Variants in TYMS observed in about 807,000 individuals in gnomAD.
The protein encoded by TYMS is thymidylate synthetase.
TYMS carries 21 observed loss-of-function variants against 39.3 expected under a neutral mutation model. That is an observed-to-expected ratio of 0.54 (90% CI 0.38 to 0.77). The LOEUF (loss-of-function observed/expected upper bound fraction) is 0.77, where lower values mean the gene tolerates loss of function less well. Among genes scored for constraint, TYMS ranks in the 30% least tolerant of loss-of-function variants. The pLI is 0.00. For missense variants in TYMS, 273 were observed against 406.7 expected, an observed-to-expected ratio of 0.67 and a Z score of 2.83; for synonymous variants, 171 against 162.2, an observed-to-expected ratio of 1.05 and a Z score of -0.41.
intron 3 of TYMS, among the ~76,000 whole-genome samples, chr18:664,749 G>C (rs2074791947): frequency 6.6e-6 from 1 of 150,580 alleles, no homozygotes; most frequent in Admixed American, 6.6e-5. Context: ...TTTTGTCAAA[G>C]GCCTTTTCTG....
intron 6 of TYMS, 52 bp downstream of exon 6, chr18:671,503 G>A: frequency 3.4e-6 from 4 of 1,175,620 alleles, no homozygotes; most frequent in Non-Finnish European, 5.1e-6. Flanking sequence ...TTGATAAAAG[G>A]TTGACTGTGG....
Position 658,032 on chromosome 18 carries a change from C to A in TYMS, c.205+85C>A. On this transcript the variant is annotated intron_variant, in intron 1 of 6. Coordinates refer to ENST00000323274, the MANE Select transcript of TYMS (RefSeq NM_001071.4). The surrounding 1 kb of genome is among the most constrained non-coding windows in gnomAD (Gnocchi z 4.5). ...AGCGCTCGGGAGCTGCCGGGCGCTG[C>A]GGACCCCGTTTAGTCCTAACCTCAA... 1.3e-6 allele frequency: 2 copies of A among 1,538,532 alleles called. No homozygotes were observed. Among genetic ancestry groups the A allele is most frequent in the Non-Finnish European group, 1.7e-6 (2 of 1,143,972 alleles).
Position 659,603 on chromosome 18 carries a change from C to T in TYMS, c.206-38C>T. 1.9e-6 allele frequency: 3 copies of T among 1,572,228 alleles called. No homozygotes were observed. The South Asian group carries it at 3.3e-5, about 17-fold the overall frequency. On this transcript the variant is annotated intron_variant, in intron 1 of 6. Coordinates refer to ENST00000323274, the MANE Select transcript of TYMS (RefSeq NM_001071.4). ...AAGAAAGTTGGATGGCATGATCTGT[C>T]TTCCCATCTTGAAACCGTATGGCAA...
intron 3 of TYMS, among the ~76,000 whole-genome samples, chr18:667,280 G>GT (rs1343948274): frequency 1.0e-3 from 11 of 10,904 alleles, no homozygotes; most frequent in Admixed American, 1.9e-3. Flanking sequence ...GATGGTGATG[G>GT]GATGGTGATG....
In TYMS at chr18:670,845, T is replaced by C; in HGVS notation, c.710T>C (p.Ile237Thr). 6.2e-7 allele frequency: 1 copy of C among 1,614,076 alleles called. No individual in the cohort carries two copies. The highest frequency in any genetic ancestry group is 8.5e-7 in the Non-Finnish European group (1 of 1,180,006). ...IASYALLTYMIAHITGLKPGD... is the reference protein window; with the variant it reads ...IASYALLTYMTAHITGLKPGD... ...AGCTACGCCCTGCTCACGTACATGA[T>C]TGCGCACATCACGGGCCTGAAGGTG... Residue 237 changes from isoleucine (I) to threonine (T), a missense_variant, in exon 5 of 7, where the codon ATT becomes ACT. Coordinates refer to ENST00000323274, the MANE Select transcript of TYMS (RefSeq NM_001071.4).
At chr18:664,805 T>C (rs913920244) in intron 3 of TYMS, among the ~76,000 whole-genome samples, 22 of 149,718 alleles carry the variant, frequency 1.5e-4, no homozygotes, top group African/African-American at 5.5e-4. Context: ...GATCTGTTTA[T>C]ATGCTGGATT....
chr18:669,365 G>GGTT, intron 4 of TYMS, 192 bp downstream of exon 4: 1 of 340,452 alleles, frequency 2.9e-6, no homozygotes. Context: ...GGGCCCAGAG[G>GGTT]ATTTTTTTTT....
intron 3 of TYMS, among the ~76,000 whole-genome samples, chr18:667,441 GT>G (rs1333621504): frequency 8.9e-4 from 1 of 1,126 alleles, no homozygotes; most frequent in African/African-American, 5.2e-3. Flanking sequence ...GATGGTGATG[GT>G]GATGGTGATG....
chr18:666,457 TTGG>T (rs2074817918), intron 3 of TYMS, among the ~76,000 whole-genome samples: 1 of 152,158 alleles, frequency 6.6e-6, no homozygotes, highest in African/African-American at 2.4e-5. Flanking sequence ...CCTGTCACTG[TTGG>T]TGTCACCTCT....
At chr18:672,732 G>A (rs959549376) in intron 6 of TYMS, 128 bp from the exon 7 acceptor site, 33 of 1,062,756 alleles carry the variant, frequency 3.1e-5, no homozygotes, top group East Asian at 4.8e-5. Flanking sequence ...GCAAGGTATC[G>A]ACAGGATCAT....
At chr18:661,001 A>G (rs1322666547) in intron 2 of TYMS, among the ~76,000 whole-genome samples, 1 of 152,190 alleles carries the variant, frequency 6.6e-6, no homozygotes, top group Non-Finnish European at 1.5e-5. Context: ...TTGACTAACA[A>G]TGAACCTTGG....
At position 672,990 on chromosome 18, in the gene TYMS, C is replaced by T. The variant is rs1289319018; in HGVS notation, c.935C>T (p.Ala312Val). The T allele has an allele frequency of 1.3e-6, 2 of 1,563,530 alleles. No homozygotes were observed. The highest frequency in any genetic ancestry group is 8.8e-7 in the Non-Finnish European group (1 of 1,141,726). ...CATCCAACTATTAAAATGGAAATGG[C>T]TGTTTAGGGTGCTTTCAAAGGAGCT... ...NPHPTIKMEM[A>V]V Residue 312 changes from alanine (A) to valine (V), a missense_variant, in exon 7 of 7, where the codon GCT becomes GTT. This residue lies in a region of TYMS where 35 missense variants were observed against 42.4 expected (regional missense o/e 0.83). Coordinates refer to ENST00000323274, the MANE Select transcript of TYMS (RefSeq NM_001071.4).
chr18:671,381 C>G lies in TYMS; in HGVS notation c.734C>G (p.Pro245Arg). 1 of 1,607,138 alleles carries G rather than the reference C, an allele frequency of 6.2e-7. No homozygotes were observed. The highest frequency in any genetic ancestry group is 8.5e-7 in the Non-Finnish European group (1 of 1,173,712). ...CTGCTTTCTCCCCCGGGTTTATAGC[C>G]AGGTGACTTTATACACACTTTGGGA... ...YMIAHITGLK[P>R]GDFIHTLGDA... The change falls in exon 6 of 7, where the codon CCA becomes CGA. Residue 245 changes from proline to arginine, a missense_variant and splice_region_variant. Physicochemically the swap from Pro to Arg is moderately radical, Grantham distance 103. This residue lies in a region of TYMS where 228 missense variants were observed against 326.1 expected (regional missense o/e 0.70). Transcript: ENST00000323274.
chr18:657,682 CTTGG>C lies in TYMS; in HGVS notation c.-60_-57del, dbSNP rs2074699237. 4 of 1,208,782 alleles carry C rather than the reference CTTGG, an allele frequency of 3.3e-6. No homozygotes were observed. Among genetic ancestry groups the C allele is most frequent in the Non-Finnish European group, 3.2e-6 (3 of 944,260 alleles). 74.9% of individuals were successfully genotyped at this position (1,208,782 alleles called of 1,614,324 possible). A position where few individuals can be genotyped will look rare whatever the true frequency, so the allele number is the denominator to read the frequency against. On this transcript the variant is annotated 5_prime_UTR_variant, in exon 1 of 7. Coordinates refer to ENST00000323274, the MANE Select transcript of TYMS (RefSeq NM_001071.4). ...GGCCTGCCTCCGTCCCGCCGCGCCACTTGGCCTGCCTCCGTCCCGCCGCGCCACT... is the reference window on the plus strand; with the variant it reads ...GGCCTGCCTCCGTCCCGCCGCGCCACCCTGCCTCCGTCCCGCCGCGCCACT...
chr18:663,788 G>T (rs2074780297), intron 3 of TYMS, among the ~76,000 whole-genome samples: 2 of 102,376 alleles, frequency 2.0e-5, no homozygotes, highest in Non-Finnish European at 1.9e-5. Context: ...TTTCCCCATT[G>T]CTTGTTTTTC....
At position 659,663 on chromosome 18, in the gene TYMS, C is replaced by T. The variant is rs776504271; in HGVS notation, c.228C>T (p.Thr76=). The T allele has an allele frequency of 1.9e-6, 3 of 1,614,186 alleles. No homozygotes were observed. Among genetic ancestry groups the T allele is most frequent in the Non-Finnish European group, 2.5e-6 (3 of 1,180,016 alleles). The change falls in exon 2 of 7, where the codon ACC becomes ACT. Residue 76 remains threonine, a synonymous_variant. Coordinates refer to ENST00000323274, the MANE Select transcript of TYMS (RefSeq NM_001071.4). ...SLRDEFPLLT[T]KRVFWKGVLE... The stretch of plus-strand genomic sequence containing the variant: ...CAGATGAATTCCCTCTGCTGACAAC[C>T]AAACGTGTGTTCTGGAAGGGTGTTT...
intron 1 of TYMS, 22 bp from the exon 2 acceptor site, chr18:659,619 C>G (rs184989750): frequency 1.2e-6 from 2 of 1,608,576 alleles, no homozygotes; most frequent in East Asian, 2.2e-5. Context: ...ATCTTGAAAC[C>G]GTATGGCAAA....
rs1385336277 is a variant in TYMS, at chr18:669,122, A to G, written c.505A>G (p.Lys169Glu). 5.0e-6 allele frequency: 8 copies of G among 1,614,108 alleles called. No homozygotes were observed. Among genetic ancestry groups the G allele is most frequent in the Non-Finnish European group, 5.9e-6 (7 of 1,180,040 alleles). ...DQLQRVIDTIKTNPDDRRIIM... is the reference protein window; with the variant it reads ...DQLQRVIDTIETNPDDRRIIM... ...ACTGCAAAGAGTGATTGACACCATCAAAACCAACCCTGACGACAGAAGAAT... is the reference window on the plus strand; with the variant it reads ...ACTGCAAAGAGTGATTGACACCATCGAAACCAACCCTGACGACAGAAGAAT... The change falls in exon 4 of 7, where the codon AAA (lysine) becomes GAA (glutamate). Residue 169 changes from lysine to glutamate, a missense_variant. By Grantham distance (56) the Lys-to-Glu change is moderately conservative. This residue lies in a region of TYMS where 228 missense variants were observed against 326.1 expected (regional missense o/e 0.70). Transcript: ENST00000323274.
chr18:665,707 A>G (rs2074805418), intron 3 of TYMS, among the ~76,000 whole-genome samples: 1 of 94,396 alleles, frequency 1.1e-5, no homozygotes. Context: ...AGATTCTGGT[A>G]TGTTGTGTCT....
Sources: gnomAD v4.1 joint callset for allele counts (sites outside exome capture counted in the v4.1 genomes callset) on GRCh38, gnomAD v4.1.1 for gene constraint, gnomAD v4.1.1 regional missense constraint, Gnocchi (gnomAD v3.1) non-coding constraint, MANE v1.5 for transcripts, NCBI Gene and HGNC (gene_info 2026-07-23, HGNC 2026-07-21) for gene names.